PDE7B: variants seen among roughly 807,000 people sequenced by gnomAD.
PDE7B encodes the protein 3',5'-cyclic-AMP phosphodiesterase 7B.
PDE7B carries 29 observed loss-of-function variants against 56.2 expected under a neutral mutation model. The observed-to-expected ratio is 0.52, with a 90% CI of 0.38 to 0.70. PDE7B has a LOEUF of 0.70. Ranked by LOEUF, PDE7B falls within the 30% of genes least tolerant of loss-of-function variation. PDE7B has a pLI of 0.00. For missense variants in PDE7B, 490 were observed against 565.0 expected (o/e 0.87, Z 1.35); for synonymous variants, 197 against 196.9 (o/e 1.00, Z 0.00).
At chr6:136,069,507 G>C (rs572021785) in intron 2 of PDE7B, among the ~76,000 whole-genome samples, 11 of 152,258 alleles carry the variant, frequency 7.2e-5, no homozygotes, top group Non-Finnish European at 1.5e-4. Context: ...AGAAAAGCAA[G>C]GCTAATATTC....
chr6:135,928,794 G>C (rs10872449), intron 1 of PDE7B, among the ~76,000 whole-genome samples: 64,078 of 151,348 alleles, frequency 0.42, 14,058 homozygotes, highest in African/African-American at 0.53. Context: ...ATAATAAACA[G>C]TGGGGACTGC....
intron 3 of PDE7B, among the ~76,000 whole-genome samples, chr6:136,126,012 CAAGAA>C (rs1489091098): frequency 6.6e-6 from 1 of 152,088 alleles, no homozygotes; most frequent in Non-Finnish European, 1.5e-5. Context: ...TTTTAATACA[CAAGAA>C]ATACAAGAAA....
intron 2 of PDE7B, chr6:136,094,534 C>T (rs1468494131): frequency 6.6e-6 from 1 of 152,478 alleles, no homozygotes; most frequent in Admixed American, 6.5e-5. Context: ...GTGTGGCCTT[C>T]TGAGGTCCTG....
chr6:136,160,718 G>A (rs547540983), intron 8 of PDE7B, among the ~76,000 whole-genome samples: 5 of 152,090 alleles, frequency 3.3e-5, no homozygotes, highest in East Asian at 1.9e-4. Context: ...TACCATCCCC[G>A]TTCTGATCTG....
intron 2 of PDE7B, among the ~76,000 whole-genome samples, chr6:136,079,942 C>T (rs991624069): frequency 6.6e-6 from 1 of 152,014 alleles, no homozygotes; most frequent in Non-Finnish European, 1.5e-5. Context: ...GGGAAAATCA[C>T]TCCAAATATC....
rs116771312 is a variant in PDE7B at position 136,085,958 on chromosome 6, C to T, written c.83-22773C>T. 4.0e-3 allele frequency among the ~76,000 whole-genome samples: 608 copies of T among 152,326 alleles called. 4 individuals carry two copies. The highest frequency in any genetic ancestry group is 0.014 in the African/African-American group (581 of 41,582). ...CTTTGTGGGTTCTTTCTTTGGATTA[C>T]TCATCCTTAGAATGTTTGCCCATCA... On this transcript the variant is annotated intron_variant, in intron 2 of 12. Coordinates refer to ENST00000308191, the MANE Select transcript of PDE7B (RefSeq NM_018945.4).
At chr6:136,152,906 C>A (rs917330476) in intron 6 of PDE7B, among the ~76,000 whole-genome samples, 20 of 152,182 alleles carry the variant, frequency 1.3e-4, no homozygotes, top group African/African-American at 4.6e-4. Flanking sequence ...CCACTTTGAG[C>A]TCAGAGCTAT....
chr6:135,852,896 C>T (rs780863124), intron 1 of PDE7B, among the ~76,000 whole-genome samples: 6 of 152,110 alleles, frequency 3.9e-5, no homozygotes, highest in Non-Finnish European at 8.8e-5. Context: ...CCTCTTTGCA[C>T]CAGAGACAGG....
chr6:136,083,457 A>AT (rs1423987802), intron 2 of PDE7B, among the ~76,000 whole-genome samples: 1 of 152,140 alleles, frequency 6.6e-6, no homozygotes, highest in African/African-American at 2.4e-5. Context: ...GAATTGGGGC[A>AT]TTTTCAATTC....
chr6:135,903,885 CATT>C (rs1776049680), intron 1 of PDE7B, among the ~76,000 whole-genome samples: 1 of 152,144 alleles, frequency 6.6e-6, no homozygotes, highest in Non-Finnish European at 1.5e-5. Flanking sequence ...ATTCTGTAAA[CATT>C]AGAAGGTGAA....
intron 12 of PDE7B, 29 bp downstream of exon 12, chr6:136,187,145 T>C: frequency 9.2e-7 from 1 of 1,081,310 alleles, no homozygotes; most frequent in Non-Finnish European, 1.4e-6. Context: ...TAATTCCAAA[T>C]AAATACCTTT....
chr6:135,867,615 A>T (rs149924102), intron 1 of PDE7B, among the ~76,000 whole-genome samples: 1 of 152,200 alleles, frequency 6.6e-6, no homozygotes, highest in African/African-American at 2.4e-5. Context: ...CCCAGTGTGC[A>T]CTGTTCCCCT....
intron 2 of PDE7B, among the ~76,000 whole-genome samples, chr6:136,060,119 T>C (rs533722284): frequency 1.2e-4 from 18 of 152,352 alleles, no homozygotes; most frequent in African/African-American, 4.1e-4. Flanking sequence ...TTATTTTAAA[T>C]CTAGTTTATA....
intron 2 of PDE7B, among the ~76,000 whole-genome samples, chr6:136,010,678 G>A (rs1775877719): frequency 6.6e-6 from 1 of 152,164 alleles, no homozygotes; most frequent in East Asian, 1.9e-4. Flanking sequence ...ACCAAGGCTG[G>A]AGTGCAATGG....
intron 1 of PDE7B, among the ~76,000 whole-genome samples, chr6:135,914,001 C>T (rs147715255): frequency 1.6e-3 from 240 of 152,236 alleles, no homozygotes; most frequent in African/African-American, 5.4e-3. Flanking sequence ...TGGAGTATAG[C>T]GTTGAGTGAG....
chr6:136,147,610 A>T, intron 4 of PDE7B, 108 bp downstream of exon 4: 1 of 788,946 alleles, frequency 1.3e-6, no homozygotes. Context: ...GAGCTCTGTG[A>T]CCCTGAGCTC....
intron 2 of PDE7B, among the ~76,000 whole-genome samples, chr6:135,962,407 C>T (rs557988485): frequency 6.6e-5 from 10 of 152,014 alleles, no homozygotes; most frequent in Non-Finnish European, 8.8e-5. Flanking sequence ...GAGTTGAATG[C>T]GAGAATTATA....
chr6:135,987,431 C>T (rs1775400759), intron 2 of PDE7B, among the ~76,000 whole-genome samples: 1 of 152,122 alleles, frequency 6.6e-6, no homozygotes, highest in Non-Finnish European at 1.5e-5. Context: ...GGGGGTTTCT[C>T]TCTACAGTTA....
chr6:135,888,094 A>C (rs1426617574), intron 1 of PDE7B, among the ~76,000 whole-genome samples: 2 of 152,150 alleles, frequency 1.3e-5, no homozygotes, highest in Admixed American at 6.6e-5. Context: ...CTACCTGTGA[A>C]CTACTGCATT....
Sources: allele counts gnomAD v4.1 joint callset (sites outside exome capture counted in the v4.1 genomes callset), GRCh38; gene constraint gnomAD v4.1.1; transcripts MANE v1.5; gene names NCBI Gene and HGNC (gene_info 2026-07-23, HGNC 2026-07-21).